Variants in ADAMTS6 observed in about 807,000 individuals in gnomAD.
The protein encoded by ADAMTS6 is ADAM metallopeptidase with thrombospondin type 1 motif 6.
Under a neutral mutation model 144.3 loss-of-function variants are expected in ADAMTS6, and 23 were observed. That is an observed-to-expected ratio of 0.16 (90% CI 0.11 to 0.23). The LOEUF (loss-of-function observed/expected upper bound fraction) is 0.23. ADAMTS6 is among the 10% of genes least tolerant of loss of function. The pLI, the probability that ADAMTS6 is intolerant of heterozygous loss-of-function variation, is 1.00. For missense variants in ADAMTS6, 999 were observed against 1,379.6 expected (o/e 0.72, Z 4.37); for synonymous variants, 444 against 457.5 (o/e 0.97, Z 0.38).
intron 4 of ADAMTS6, among the ~76,000 whole-genome samples, chr5:65,458,042 A>AGAATTTACATATAGTT (rs2150260061): frequency 6.6e-6 from 1 of 152,126 alleles, no homozygotes; most frequent in Non-Finnish European, 1.5e-5. Flanking sequence ...TAGTTTTTAA[A>AGAATTTACATATAGTT]GAATTTACAT....
chr5:65,185,684 G>A (rs374134732), intron 22 of ADAMTS6, among the ~76,000 whole-genome samples: 105 of 152,314 alleles, frequency 6.9e-4, no homozygotes, highest in African/African-American at 2.5e-3. Flanking sequence ...GAGCCTCTTA[G>A]AGCCATTTGA....
At chr5:65,457,733 T>TTTTC (rs772244836) in intron 4 of ADAMTS6, among the ~76,000 whole-genome samples, 5 of 146,362 alleles carry the variant, frequency 3.4e-5, no homozygotes, top group Non-Finnish European at 6.0e-5. Context: ...ATCCTAGTTT[T>TTTTC]TTTCTTTCTT....
intron 7 of ADAMTS6, among the ~76,000 whole-genome samples, chr5:65,421,913 T>C (rs924101867): frequency 6.6e-6 from 1 of 152,152 alleles, no homozygotes; most frequent in Non-Finnish European, 1.5e-5. Context: ...AAATAATTTA[T>C]GAATAAGACC....
At chr5:65,352,681 G>A (rs916795749) in intron 7 of ADAMTS6, among the ~76,000 whole-genome samples, 3 of 152,032 alleles carry the variant, frequency 2.0e-5, no homozygotes, top group African/African-American at 7.2e-5. Context: ...CCTAAAAAAT[G>A]TGCAGGATAC....
At chr5:65,418,258 A>C (rs543293078) in intron 7 of ADAMTS6, among the ~76,000 whole-genome samples, 3 of 152,336 alleles carry the variant, frequency 2.0e-5, no homozygotes, top group African/African-American at 7.2e-5. Context: ...TCAAATTATA[A>C]GAATCCTAGT....
At chr5:65,472,925 T>C (rs556700260) in intron 2 of ADAMTS6, among the ~76,000 whole-genome samples, 13 of 152,260 alleles carry the variant, frequency 8.5e-5, no homozygotes, top group African/African-American at 3.1e-4. Flanking sequence ...TATGTATTCA[T>C]GGGAGGGAAA....
At chr5:65,421,809 CT>C (rs1756067357) in intron 7 of ADAMTS6, among the ~76,000 whole-genome samples, 1 of 152,164 alleles carries the variant, frequency 6.6e-6, no homozygotes, top group African/African-American at 2.4e-5. Context: ...AAAAAATCAA[CT>C]CAAGATGGAT....
At position 65,214,777 on chromosome 5, in the gene ADAMTS6, C is replaced by A. The variant is rs771295795; in HGVS notation, c.2575+17G>T. 14 of 1,613,992 alleles carry A rather than the reference C, an allele frequency of 8.7e-6. No homozygotes were observed. Among genetic ancestry groups the A allele is most frequent in the Non-Finnish European group, 1.1e-5 (13 of 1,179,988 alleles). On this transcript the variant is annotated intron_variant, in intron 20 of 24. Coordinates refer to ENST00000381055, the MANE Select transcript of ADAMTS6 (RefSeq NM_197941.4). This position sits in a 1 kb window ranked among gnomAD's most constrained non-coding sequence, Gnocchi z 4.6. ...TCCATCTTGCCCTCTGGGTGGGCTG[C>A]CTAGTGGGCATCTTACCTCCAGCAC...
chr5:65,390,908 T>C (rs1327338275), intron 7 of ADAMTS6, among the ~76,000 whole-genome samples: 1 of 152,090 alleles, frequency 6.6e-6, no homozygotes, highest in African/African-American at 2.4e-5. Flanking sequence ...GTTTATTAAA[T>C]TATGAAACTG....
chr5:65,295,458 T>C (rs1228575094), intron 10 of ADAMTS6, among the ~76,000 whole-genome samples: 1 of 152,106 alleles, frequency 6.6e-6, no homozygotes, highest in Non-Finnish European at 1.5e-5. Flanking sequence ...TAAACATAGA[T>C]GGTTTGTATG....
intron 9 of ADAMTS6, among the ~76,000 whole-genome samples, chr5:65,323,441 A>G (rs1378764453): frequency 6.6e-6 from 1 of 152,040 alleles, no homozygotes; most frequent in Non-Finnish European, 1.5e-5. Context: ...TACAAAGGAC[A>G]TGAAATCATC....
chr5:65,265,922 T>G (rs1383313303), intron 12 of ADAMTS6, among the ~76,000 whole-genome samples: 1 of 151,930 alleles, frequency 6.6e-6, no homozygotes, highest in Admixed American at 6.6e-5. Flanking sequence ...GATTATGTAT[T>G]TGAAGACATT....
At chr5:65,323,729 C>T (rs1483012337) in intron 9 of ADAMTS6, among the ~76,000 whole-genome samples, 1 of 152,128 alleles carries the variant, frequency 6.6e-6, no homozygotes, top group Non-Finnish European at 1.5e-5. Flanking sequence ...TTTACAGTCC[C>T]ACCAACAGTG....
At chr5:65,344,167 C>G (rs1054051122) in intron 7 of ADAMTS6, among the ~76,000 whole-genome samples, 1 of 151,936 alleles carries the variant, frequency 6.6e-6, no homozygotes, top group East Asian at 1.9e-4. Context: ...ATTTAGCTAA[C>G]AAGAGCTCAG....
chr5:65,424,758 C>T (rs980191627), intron 7 of ADAMTS6, among the ~76,000 whole-genome samples: 9 of 152,108 alleles, frequency 5.9e-5, no homozygotes, highest in Non-Finnish European at 1.3e-4. Context: ...ATAAAACTTA[C>T]CATTTCAATA....
chr5:65,452,502 A>G (rs1758836609), intron 5 of ADAMTS6, among the ~76,000 whole-genome samples: 1 of 151,702 alleles, frequency 6.6e-6, no homozygotes, highest in South Asian at 2.1e-4. Context: ...TTAACAATCC[A>G]CTAAAACTGT....
At chr5:65,352,538 A>T (rs1748958355) in intron 7 of ADAMTS6, among the ~76,000 whole-genome samples, 1 of 152,132 alleles carries the variant, frequency 6.6e-6, no homozygotes, top group African/African-American at 2.4e-5. Context: ...TTTAACAAAG[A>T]AAAATCCTGT....
At chr5:65,190,037 T>C (rs939859151) in intron 21 of ADAMTS6, among the ~76,000 whole-genome samples, 9 of 152,206 alleles carry the variant, frequency 5.9e-5, no homozygotes, top group Non-Finnish European at 1.2e-4. Flanking sequence ...GATAATACTT[T>C]AGTGAAGTCA....
At chr5:65,378,956 T>C (rs1554080021) in intron 7 of ADAMTS6, among the ~76,000 whole-genome samples, 1 of 150,984 alleles carries the variant, frequency 6.6e-6, no homozygotes, top group Non-Finnish European at 1.5e-5. Flanking sequence ...CTCAAGAGAA[T>C]AAAAAAAAAG....
Sources: gnomAD v4.1 joint callset for allele counts (sites outside exome capture counted in the v4.1 genomes callset) on GRCh38, gnomAD v4.1.1 for gene constraint, Gnocchi (gnomAD v3.1) non-coding constraint, MANE v1.5 for transcripts, NCBI Gene and HGNC (gene_info 2026-07-23, HGNC 2026-07-21) for gene names.